Variants in TCERG1L observed in about 807,000 individuals in gnomAD.
TCERG1L encodes the protein transcription elongation regulator 1 like.
In TCERG1L, 37 loss-of-function variants were observed where a neutral mutation model predicts 56.3. That is an observed-to-expected ratio of 0.66 (90% CI 0.51 to 0.87). TCERG1L has a LOEUF of 0.87. Ranked by LOEUF, TCERG1L falls within the 40% of genes least tolerant of loss-of-function variation. The probability of loss-of-function intolerance (pLI) is 0.00; values close to 1 mark genes in which losing one functional copy is unlikely to be tolerated. For missense variants in TCERG1L, 799 were observed against 774.2 expected (o/e 1.03, Z -0.38); for synonymous variants, 324 against 326.3 (o/e 0.99, Z 0.08).
intron 9 of TCERG1L, among the ~76,000 whole-genome samples, chr10:131,108,337 G>A (rs1845374878): frequency 6.6e-6 from 1 of 152,178 alleles, no homozygotes; most frequent in African/African-American, 2.4e-5. Flanking sequence ...TACAGCGAAG[G>A]GTAGATGAGA....
rs139851554 is a variant in TCERG1L at position 131,236,609 on chromosome 10, G to T, written c.856+23650C>A. ...TTGTAGTTAAAAATGACATCTATTC[G>T]ATGACAGCCATCCCCACTGGGTTGA... On this transcript the variant is annotated intron_variant, in intron 4 of 11. Transcript: ENST00000368642. Among the ~76,000 whole-genome samples, 564 of 152,260 alleles carry T rather than the reference G, an allele frequency of 3.7e-3. 7 individuals carry two copies. Among genetic ancestry groups the T allele is most frequent in the African/African-American group, 0.013 (537 of 41,562 alleles).
chr10:131,145,954 G>A (rs563640652), intron 7 of TCERG1L, among the ~76,000 whole-genome samples: 8 of 152,296 alleles, frequency 5.3e-5, no homozygotes, highest in African/African-American at 1.2e-4. Context: ...GTTTCTTGGC[G>A]AAACAAGATT....
At chr10:131,272,743 C>T (rs528573745) in intron 3 of TCERG1L, among the ~76,000 whole-genome samples, 1 of 152,360 alleles carries the variant, frequency 6.6e-6, no homozygotes, top group Admixed American at 6.5e-5. Flanking sequence ...AATCTCCCCA[C>T]AGCAGGGAAG....
chr10:131,170,020 A>G (rs973422266), intron 4 of TCERG1L, among the ~76,000 whole-genome samples: 6 of 152,160 alleles, frequency 3.9e-5, no homozygotes, highest in Admixed American at 2.0e-4. Context: ...TAGAGGAGAT[A>G]TTGTTGATGA....
intron 3 of TCERG1L, among the ~76,000 whole-genome samples, chr10:131,293,068 C>T (rs773614300): frequency 6.6e-6 from 1 of 152,156 alleles, no homozygotes; most frequent in Non-Finnish European, 1.5e-5. Context: ...CCAGGCTGGT[C>T]TCAAACTCCT....
At chr10:131,123,394 A>G (rs987008599) in intron 8 of TCERG1L, among the ~76,000 whole-genome samples, 7 of 152,140 alleles carry the variant, frequency 4.6e-5, no homozygotes, top group African/African-American at 1.7e-4. Flanking sequence ...GATCCTGAGA[A>G]GAGGTGAGGA....
At chr10:131,274,946 G>A (rs1452258953) in intron 3 of TCERG1L, among the ~76,000 whole-genome samples, 2 of 152,200 alleles carry the variant, frequency 1.3e-5, no homozygotes, top group Non-Finnish European at 2.9e-5. Context: ...TGGAGCCTAA[G>A]GCTGTGGGCA....
At chr10:131,188,269 C>A (rs538997482) in intron 4 of TCERG1L, among the ~76,000 whole-genome samples, 2 of 152,172 alleles carry the variant, frequency 1.3e-5, no homozygotes, top group African/African-American at 4.8e-5. Context: ...ATAGTGGGTA[C>A]TGAAGTGCCG....
chr10:131,221,936 C>A (rs1845737504), intron 4 of TCERG1L, among the ~76,000 whole-genome samples: 1 of 152,192 alleles, frequency 6.6e-6, no homozygotes, highest in Non-Finnish European at 1.5e-5. Context: ...ATGGACGAGG[C>A]AGACTGCAGT....
rs372694408 is a variant in TCERG1L at position 131,301,440 on chromosome 10, C to T, written c.670+6771G>A. 6.6e-5 allele frequency among the ~76,000 whole-genome samples: 10 copies of T among 152,042 alleles called. 1 individual carries two copies. Among genetic ancestry groups the T allele is most frequent in the Middle Eastern group, 6.3e-3 (2 of 316 alleles). On this transcript the variant is annotated intron_variant, in intron 3 of 11. Coordinates refer to ENST00000368642, the MANE Select transcript of TCERG1L (RefSeq NM_174937.4). Reference sequence around the variant, plus strand: ...ACTCACATATATCCTAAAGGATTAACAGAAATTGTTGATAATTACAGATAT... The same window carrying T: ...ACTCACATATATCCTAAAGGATTAATAGAAATTGTTGATAATTACAGATAT...
rs982034792 is a variant in TCERG1L, at chr10:131,135,887, C to T, written c.1190-1439G>A. Among the ~76,000 whole-genome samples, 42 of 152,216 alleles carry T rather than the reference C, an allele frequency of 2.8e-4. 1 individual carries two copies. The highest frequency in any genetic ancestry group is 8.7e-4 in the African/African-American group (36 of 41,458). On this transcript the variant is annotated intron_variant, in intron 7 of 11. Transcript: ENST00000368642. The stretch of plus-strand genomic sequence containing the variant: ...GAGCGGGGGATGAGCAGAACTTGGC[C>T]CCGGAAGGGCGGAGGAGCCACAGCC...
chr10:131,271,743 C>T (rs181082633), intron 3 of TCERG1L, among the ~76,000 whole-genome samples: 3 of 152,278 alleles, frequency 2.0e-5, no homozygotes, highest in South Asian at 2.1e-4. Context: ...GAGGCCTCCC[C>T]GAGGGCAGAG....
At chr10:131,127,280 T>C (rs952795101) in intron 8 of TCERG1L, among the ~76,000 whole-genome samples, 7 of 152,174 alleles carry the variant, frequency 4.6e-5, no homozygotes, top group African/African-American at 1.7e-4. Context: ...GGAGCACCAG[T>C]GTGCGTGGGC....
At chr10:131,139,489 G>A (rs1845709417) in intron 7 of TCERG1L, among the ~76,000 whole-genome samples, 1 of 152,180 alleles carries the variant, frequency 6.6e-6, no homozygotes, top group East Asian at 1.9e-4. Flanking sequence ...GGGAGGCTCT[G>A]AGTCTGAAAG....
At chr10:131,114,573 A>T (rs2133388360) in intron 9 of TCERG1L, among the ~76,000 whole-genome samples, 1 of 152,268 alleles carries the variant, frequency 6.6e-6, no homozygotes, top group East Asian at 1.9e-4. Flanking sequence ...GAAAAAGTTG[A>T]AACGAACCAC....
At chr10:131,220,308 T>C (rs1334162335) in intron 4 of TCERG1L, among the ~76,000 whole-genome samples, 1 of 152,084 alleles carries the variant, frequency 6.6e-6, no homozygotes, top group African/African-American at 2.4e-5. Flanking sequence ...CCCAGCCCCA[T>C]CCTCCAGGGC....
At chr10:131,293,590 C>T (rs1364195095) in intron 3 of TCERG1L, among the ~76,000 whole-genome samples, 2 of 151,964 alleles carry the variant, frequency 1.3e-5, no homozygotes, top group East Asian at 3.9e-4. Context: ...CACCATAAAA[C>T]TTCTCCCTCA....
At chr10:131,282,546 T>C (rs1339756903) in intron 3 of TCERG1L, among the ~76,000 whole-genome samples, 1 of 152,204 alleles carries the variant, frequency 6.6e-6, no homozygotes, top group Non-Finnish European at 1.5e-5. Flanking sequence ...AACTTACTAA[T>C]ACAAGTTAAT....
intron 4 of TCERG1L, among the ~76,000 whole-genome samples, chr10:131,193,940 G>T (rs1055655258): frequency 6.6e-6 from 1 of 152,204 alleles, no homozygotes; most frequent in Non-Finnish European, 1.5e-5. Context: ...CCCACAGGGG[G>T]ATTATGAAGA....
Sources: gnomAD v4.1 joint callset for allele counts (sites outside exome capture counted in the v4.1 genomes callset) on GRCh38, gnomAD v4.1.1 for gene constraint, MANE v1.5 for transcripts, NCBI Gene and HGNC (gene_info 2026-07-23, HGNC 2026-07-21) for gene names.